The following ELMO1 variants were observed in gnomAD, a reference collection of about 807,000 sequenced individuals.
ELMO1 encodes the protein engulfment and cell motility 1, also known as engulfment and cell motility protein 1.
ELMO1 carries 26 observed loss-of-function variants against 98.9 expected under a neutral mutation model. The ratio of observed to expected loss-of-function variants is 0.26; its 90% CI spans 0.19 to 0.36. The LOEUF is 0.36. Among genes scored for constraint, ELMO1 ranks in the 10% least tolerant of loss-of-function variants. The pLI is 1.00. For missense variants in ELMO1, 627 were observed against 935.2 expected (o/e 0.67, Z 4.30); for synonymous variants, 346 against 346.0 (o/e 1.00, Z 0.00).
chr7:37,425,346 G>A (rs1013386037), intron 1 of ELMO1, among the ~76,000 whole-genome samples: 1 of 152,186 alleles, frequency 6.6e-6, no homozygotes, highest in African/African-American at 2.4e-5. Context: ...CAGGACCTAA[G>A]GCCCTCCCAA....
chr7:36,951,709 T>C (rs963790169), intron 16 of ELMO1, among the ~76,000 whole-genome samples: 11 of 152,234 alleles, frequency 7.2e-5, no homozygotes, highest in African/African-American at 2.7e-4. Flanking sequence ...CCACTCCTAG[T>C]AGATTCTGTC....
intron 15 of ELMO1, among the ~76,000 whole-genome samples, chr7:37,045,036 T>C (rs1562919218): frequency 6.6e-6 from 1 of 152,222 alleles, no homozygotes; most frequent in Non-Finnish European, 1.5e-5. Flanking sequence ...AAGCTATGAA[T>C]GCTTTACTAG....
At chr7:37,427,018 C>G (rs1483120098) in intron 1 of ELMO1, among the ~76,000 whole-genome samples, 1 of 151,110 alleles carries the variant, frequency 6.6e-6, no homozygotes, top group African/African-American at 2.4e-5. Context: ...TCTTTTTTCC[C>G]GAAAAAAAGA....
intron 15 of ELMO1, among the ~76,000 whole-genome samples, chr7:37,044,958 T>C (rs1795719657): frequency 1.3e-5 from 2 of 152,350 alleles, no homozygotes; most frequent in South Asian, 2.1e-4. Flanking sequence ...GTTGCCTATG[T>C]TTTGCTTAGA....
At chr7:36,947,617 T>G (rs980352625) in intron 16 of ELMO1, among the ~76,000 whole-genome samples, 2 of 152,226 alleles carry the variant, frequency 1.3e-5, no homozygotes, top group Non-Finnish European at 2.9e-5. Context: ...TGATCATGTC[T>G]TTCCTTAGCC....
chr7:37,278,796 A>T (rs1205410829), intron 4 of ELMO1, among the ~76,000 whole-genome samples: 3 of 152,190 alleles, frequency 2.0e-5, no homozygotes, highest in Non-Finnish European at 4.4e-5. Flanking sequence ...TCCCTCAACA[A>T]GGTGAGCAAC....
intron 13 of ELMO1, among the ~76,000 whole-genome samples, chr7:37,178,422 T>C (rs1470813799): frequency 6.4e-5 from 7 of 109,826 alleles, no homozygotes; most frequent in Middle Eastern, 4.2e-3. Flanking sequence ...GAGCTACAAT[T>C]CCCCATCTCT....
At chr7:37,131,499 T>C (rs1317271226) in intron 14 of ELMO1, among the ~76,000 whole-genome samples, 2 of 152,202 alleles carry the variant, frequency 1.3e-5, no homozygotes, top group African/African-American at 2.4e-5. Flanking sequence ...TCAGCATCAA[T>C]AAGCTCCAAT....
At chr7:37,228,583 G>A (rs1584841298) in intron 8 of ELMO1, among the ~76,000 whole-genome samples, 3 of 152,194 alleles carry the variant, frequency 2.0e-5, no homozygotes, top group African/African-American at 7.2e-5. Flanking sequence ...CTAAATAAGA[G>A]AAATACTTAT....
At chr7:37,334,124 C>G (rs1376816304) in intron 2 of ELMO1, among the ~76,000 whole-genome samples, 2 of 152,170 alleles carry the variant, frequency 1.3e-5, no homozygotes, top group African/African-American at 4.8e-5. Flanking sequence ...CAATGATCCT[C>G]TGTGTATTTT....
intron 4 of ELMO1, among the ~76,000 whole-genome samples, chr7:37,282,440 T>C (rs73690183): frequency 0.041 from 6,318 of 152,330 alleles, 426 homozygotes; most frequent in African/African-American, 0.14. Flanking sequence ...CCTGATCGCT[T>C]TTGTCCAACT....
intron 5 of ELMO1, among the ~76,000 whole-genome samples, chr7:37,263,724 C>A (rs1178873317): frequency 6.6e-6 from 1 of 152,142 alleles, no homozygotes; most frequent in Non-Finnish European, 1.5e-5. Flanking sequence ...TCAGGTGGAA[C>A]AAGCCTGGCC....
chr7:37,208,993 T>C (rs1350785548), intron 13 of ELMO1, among the ~76,000 whole-genome samples: 2 of 150,594 alleles, frequency 1.3e-5, no homozygotes, highest in Non-Finnish European at 3.0e-5. Flanking sequence ...TAAAACCACC[T>C]CCAATTAACT....
chr7:36,917,708 C>G (rs1482236574), intron 16 of ELMO1, among the ~76,000 whole-genome samples: 2 of 152,202 alleles, frequency 1.3e-5, no homozygotes, highest in African/African-American at 4.8e-5. Flanking sequence ...AAGAGGCATA[C>G]ATCACATCTG....
rs76026495 is a variant in ELMO1 at position 36,931,862 on chromosome 7, C to A, written c.1438-36845G>T. Among the ~76,000 whole-genome samples the A allele has an allele frequency of 2.5e-3, 386 of 152,304 alleles. 4 individuals are homozygous for A. Among genetic ancestry groups the A allele is most frequent in the African/African-American group, 8.9e-3 (370 of 41,562 alleles). On this transcript the variant is annotated intron_variant, in intron 16 of 21. Transcript: ENST00000310758. ...CTAGCTACAGACTTCTCTTAATAAC[C>A]ATCTGTGTGTGTTAAACACTAATTG...
At chr7:37,119,889 T>C (rs1471252404) in intron 14 of ELMO1, among the ~76,000 whole-genome samples, 2 of 152,228 alleles carry the variant, frequency 1.3e-5, no homozygotes. Flanking sequence ...ATGTTAATCA[T>C]AAATTATGAG....
At chr7:37,422,266 G>A (rs1054646535) in intron 1 of ELMO1, among the ~76,000 whole-genome samples, 1 of 152,196 alleles carries the variant, frequency 6.6e-6, no homozygotes, top group Non-Finnish European at 1.5e-5. Flanking sequence ...TAAATTCAAT[G>A]GGGAAATGAG....
At chr7:37,109,120 TG>T (rs1785097347) in intron 14 of ELMO1, among the ~76,000 whole-genome samples, 1 of 151,672 alleles carries the variant, frequency 6.6e-6, no homozygotes, top group South Asian at 2.1e-4. Flanking sequence ...GAATACAAGC[TG>T]GGGGGAAAAC....
At chr7:37,023,210 AATTC>A (rs574608215) in intron 15 of ELMO1, among the ~76,000 whole-genome samples, 117 of 152,320 alleles carry the variant, frequency 7.7e-4, no homozygotes, top group African/African-American at 2.6e-3. Flanking sequence ...GCGGTTTGGA[AATTC>A]ATTGAGTTGT....
Sources: gnomAD v4.1 joint callset for allele counts (sites outside exome capture counted in the v4.1 genomes callset) on GRCh38, gnomAD v4.1.1 for gene constraint, MANE v1.5 for transcripts, NCBI Gene and HGNC (gene_info 2026-07-23, HGNC 2026-07-21) for gene names.